Variants in SENP6 observed in about 807,000 individuals in gnomAD.
The protein encoded by SENP6 is SUMO specific peptidase 6.
SENP6 carries 41 observed loss-of-function variants against 134.5 expected under a neutral mutation model. The observed-to-expected ratio is 0.30, with a 90% CI of 0.24 to 0.40. SENP6 has a LOEUF of 0.40. SENP6 is among the 10% of genes least tolerant of loss of function. The pLI is 1.00. For missense variants in SENP6, 1,248 were observed against 1,312.5 expected (o/e 0.95, Z 0.76); for synonymous variants, 395 against 429.8 (o/e 0.92, Z 1.00).
rs1773253743 is a variant in SENP6, at chr6:75,678,621, A to G, written c.1887A>G (p.Gln629=). 1 of 1,598,676 alleles carries G rather than the reference A, an allele frequency of 6.3e-7. No homozygotes were observed. The part of the protein sequence containing the change: ...FESKIQLRSK[Q]EFQFFDEEEE... ...CTAAAATACAACTTAGAAGCAAACA[A>G]GAATTTCAGTTTTTTGATGAAGAAG... Residue 629 remains glutamine (Q), a synonymous_variant, in exon 15 of 24, where the codon CAA becomes CAG. Coordinates refer to ENST00000447266, the MANE Select transcript of SENP6 (RefSeq NM_015571.4).
At chr6:75,610,320 T>C (rs1767347133) in intron 1 of SENP6, among the ~76,000 whole-genome samples, 1 of 152,196 alleles carries the variant, frequency 6.6e-6, no homozygotes, top group Admixed American at 6.5e-5. Flanking sequence ...TGCCAGTTAA[T>C]CCACTAAGTC....
At chr6:75,696,059 AAC>A (rs1774639740) in intron 17 of SENP6, 136 bp downstream of exon 17, 3 of 718,346 alleles carry the variant, frequency 4.2e-6, no homozygotes, top group Non-Finnish European at 6.5e-6. Flanking sequence ...CCAGGAAGAG[AAC>A]ACACTAAATA....
chr6:75,663,749 C>T (rs568964581), intron 9 of SENP6, among the ~76,000 whole-genome samples: 21 of 148,202 alleles, frequency 1.4e-4, no homozygotes, highest in African/African-American at 4.5e-4. Flanking sequence ...ATTCTGACTT[C>T]GGCCAGGTTA....
At chr6:75,663,819 T>TTGG (rs1771965280) in intron 9 of SENP6, among the ~76,000 whole-genome samples, 1 of 90,772 alleles carries the variant, frequency 1.1e-5, no homozygotes, top group Non-Finnish European at 2.1e-5. Flanking sequence ...TTTTTTTTTT[T>TTGG]GTGGGGGGGG....
chr6:75,647,701 A>G (rs1425042518), intron 6 of SENP6, 30 bp from the exon 7 acceptor site: 2 of 1,459,090 alleles, frequency 1.4e-6, no homozygotes, highest in Non-Finnish European at 1.9e-6. Flanking sequence ...ATTTCCTGTT[A>G]GAATAAAACT....
rs1770566382 is a variant in SENP6, at chr6:75,647,742, C to A, written c.491C>A (p.Pro164Gln). The A allele has an allele frequency of 2.5e-6, 4 of 1,608,864 alleles. No homozygotes were observed. In the Middle Eastern group the frequency reaches 5.0e-4, roughly 200 times the overall value. The change falls in exon 7 of 24, where the codon CCA becomes CAA. Residue 164 changes from proline to glutamine, a missense_variant. Around this residue, in one of 3 missense-constraint regions of SENP6, gnomAD observed 733 missense variants for 725.4 expected, o/e 1.01. Transcript: ENST00000447266. ...AATTTCTTTTTTAGGAAAGAATACC[C>A]ACCTCATGTCCAAAAAGTTGAAATT... Reference protein sequence around the residue: ...SLDRKERKEYPPHVQKVEINP... With the variant: ...SLDRKERKEYQPHVQKVEINP...
chr6:75,610,699 T>G (rs1416377685), intron 1 of SENP6, among the ~76,000 whole-genome samples: 1 of 152,172 alleles, frequency 6.6e-6, no homozygotes, highest in African/African-American at 2.4e-5. Flanking sequence ...CTCTGCCTTG[T>G]CCTAGTTTAA....
chr6:75,659,959 AC>A (rs1771648339), intron 8 of SENP6, among the ~76,000 whole-genome samples: 1 of 152,234 alleles, frequency 6.6e-6, no homozygotes, highest in Non-Finnish European at 1.5e-5. Flanking sequence ...ATCTAAAATT[AC>A]CATTTAATCC....
chr6:75,621,182 G>A (rs1004927468), intron 1 of SENP6, among the ~76,000 whole-genome samples: 6 of 152,152 alleles, frequency 3.9e-5, no homozygotes, highest in Non-Finnish European at 7.4e-5. Context: ...AAGAAGGCAA[G>A]CAAACTATTT....
At chr6:75,631,027 T>G (rs1769074716) in intron 3 of SENP6, among the ~76,000 whole-genome samples, 1 of 152,144 alleles carries the variant, frequency 6.6e-6, no homozygotes, top group Non-Finnish European at 1.5e-5. Flanking sequence ...TTGGATTTTT[T>G]TTTTTTACTT....
In SENP6 at chr6:75,675,910, A is replaced by G; in HGVS notation, c.1477A>G (p.Lys493Glu). 1 of 1,611,150 alleles carries G rather than the reference A, an allele frequency of 6.2e-7. No individual in the cohort carries two copies. The highest frequency in any genetic ancestry group is 8.5e-7 in the Non-Finnish European group (1 of 1,178,942). ...TATATTAAATACCTCTGATCTAACT[A>G]AATGTGAATGGTGTAATGTCCGAAA... ...EIILNTSDLT[K>E]CEWCNVRKLP... The change falls in exon 13 of 24, where the codon AAA becomes GAA. Residue 493 changes from lysine to glutamate, a missense_variant. Lys to Glu is a moderately conservative substitution (Grantham distance 56). Around this residue, in one of 3 missense-constraint regions of SENP6, gnomAD observed 733 missense variants for 725.4 expected, o/e 1.01. Coordinates refer to ENST00000447266, the MANE Select transcript of SENP6 (RefSeq NM_015571.4).
At chr6:75,649,051 A>C (rs528888548) in intron 7 of SENP6, among the ~76,000 whole-genome samples, 1 of 152,272 alleles carries the variant, frequency 6.6e-6, no homozygotes, top group East Asian at 1.9e-4. Flanking sequence ...TCACACCTAT[A>C]ATCCCAGCAC....
At chr6:75,611,478 G>A (rs1257177541) in intron 1 of SENP6, 1 of 152,174 alleles carries the variant, frequency 6.6e-6, no homozygotes, top group Non-Finnish European at 1.5e-5. Context: ...TAATGAAACT[G>A]TGCATCTTCC....
At chr6:75,636,311 A>C (rs551134973) in intron 5 of SENP6, among the ~76,000 whole-genome samples, 1 of 152,212 alleles carries the variant, frequency 6.6e-6, no homozygotes, top group African/African-American at 2.4e-5. Flanking sequence ...TCAGCAGGAC[A>C]GATTCTACTT....
intron 18 of SENP6, chr6:75,698,087 C>A (rs1303837621): frequency 6.6e-6 from 1 of 152,236 alleles, no homozygotes; most frequent in Non-Finnish European, 1.5e-5. Flanking sequence ...CTTTTCTATG[C>A]CCTCAATCCA....
chr6:75,689,811 A>G (rs1350328082), intron 16 of SENP6, among the ~76,000 whole-genome samples: 3 of 152,196 alleles, frequency 2.0e-5, no homozygotes, highest in Non-Finnish European at 4.4e-5. Flanking sequence ...CTCGGATTGT[A>G]TAAGTACACT....
At chr6:75,642,890 T>G (rs1224334955) in intron 6 of SENP6, among the ~76,000 whole-genome samples, 1 of 152,072 alleles carries the variant, frequency 6.6e-6, no homozygotes, top group Non-Finnish European at 1.5e-5. Context: ...CTCAGCAAGG[T>G]CTAGGAGTTG....
chr6:75,644,572 CCT>C (rs763383871), intron 6 of SENP6, among the ~76,000 whole-genome samples: 3 of 151,940 alleles, frequency 2.0e-5, no homozygotes, highest in Non-Finnish European at 4.4e-5. Flanking sequence ...GCAACCTCTG[CCT>C]CTCAGGTTCA....
At chr6:75,707,643 C>T (rs943211449) in intron 19 of SENP6, among the ~76,000 whole-genome samples, 1 of 151,990 alleles carries the variant, frequency 6.6e-6, no homozygotes, top group Non-Finnish European at 1.5e-5. Context: ...CAGATGTGAG[C>T]CACTGCGCTC....
Sources: allele counts gnomAD v4.1 joint callset (sites outside exome capture counted in the v4.1 genomes callset), GRCh38; gene constraint gnomAD v4.1.1; regional missense constraint gnomAD v4.1.1; transcripts MANE v1.5; gene names NCBI Gene and HGNC (gene_info 2026-07-23, HGNC 2026-07-21).